Variants in C19orf44 observed in about 807,000 individuals in gnomAD.
The protein encoded by C19orf44 is uncharacterized protein C19orf44.
A neutral mutation model predicts 50.7 loss-of-function variants in C19orf44; 43 were observed. The ratio of observed to expected loss-of-function variants is 0.85; its 90% CI spans 0.66 to 1.09. The LOEUF (loss-of-function observed/expected upper bound fraction) is 1.09. Ranked by LOEUF, C19orf44 falls within the 50% of genes least tolerant of loss-of-function variation. The pLI is 0.00. For missense variants in C19orf44, 722 were observed against 836.2 expected (o/e 0.86, Z 1.68); for synonymous variants, 298 against 334.7 (o/e 0.89, Z 1.20).
intron 4 of C19orf44, among the ~76,000 whole-genome samples, chr19:16,508,387 G>A (rs906907619): frequency 4.6e-5 from 7 of 152,100 alleles, no homozygotes; most frequent in African/African-American, 1.4e-4. Flanking sequence ...ACAGGCATGC[G>A]CCACCATGCC....
Position 16,503,121 on chromosome 19 carries a change from G to C in C19orf44, c.816G>C (p.Lys272Asn), listed in dbSNP as rs760270571. Residue 272 changes from lysine to asparagine, a missense_variant, in exon 3 of 9, where the codon AAG becomes AAC. Transcript: ENST00000221671. ...CCAGCGTGGAACTCTCCAGCGCAAA[G>C]CCTTCTCAGACATCACACCTGCCAA... ...TVPSVELSSAKPSQTSHLPTS... is the reference protein window; with the variant it reads ...TVPSVELSSANPSQTSHLPTS... The C allele has an allele frequency of 3.1e-6, 5 of 1,614,088 alleles. No homozygotes were observed. Among genetic ancestry groups the C allele is most frequent in the Middle Eastern group, 3.3e-4 (2 of 6,062 alleles).
chr19:16,503,356 G>C lies in C19orf44; in HGVS notation c.1051G>C (p.Glu351Gln). The C allele has an allele frequency of 6.2e-7, 1 of 1,612,590 alleles. No homozygotes were observed. Among genetic ancestry groups the C allele is most frequent in the Non-Finnish European group, 8.5e-7 (1 of 1,178,646 alleles). The change falls in exon 3 of 9, where the codon GAA becomes CAA. Residue 351 changes from glutamate (E) to glutamine (Q), a missense_variant. By Grantham distance (29) the Glu-to-Gln change is conservative (BLOSUM62 2). Transcript: ENST00000221671. ...EAETVDEPVSEGADDSLDEFR... is the reference protein window; with the variant it reads ...EAETVDEPVSQGADDSLDEFR... Reference sequence around the variant, plus strand: ...TGAGACTGTGGACGAGCCAGTCTCAGAAGGTGCTGATGACAGCCTCGACGG... The same window carrying C: ...TGAGACTGTGGACGAGCCAGTCTCACAAGGTGCTGATGACAGCCTCGACGG...
chr19:16,500,078 C>T (rs1194270365), intron 1 of C19orf44, among the ~76,000 whole-genome samples: 2 of 152,100 alleles, frequency 1.3e-5, no homozygotes, highest in South Asian at 2.1e-4. Context: ...TGAGCCACCA[C>T]GCCTGGCGCT....
Position 16,509,795 on chromosome 19 carries a change from GC to G in C19orf44, c.1448del (p.Pro483GlnfsTer23), listed in dbSNP as rs1263914901. ...ACTCTCCAAGTCTGACAGCATCTGA[GC>G]CAACCGCCCATTCCAAGGAGTCTCT... ...ENSPSLTASE[P>X]TAHSKESLDR... is the part of the protein sequence containing the mutation. On this transcript the variant is annotated frameshift_variant, in exon 5 of 9. Coordinates refer to ENST00000221671, the MANE Select transcript of C19orf44 (RefSeq NM_032207.4). LOFTEE classifies it high-confidence loss of function. The G allele has an allele frequency of 6.2e-6, 10 of 1,614,136 alleles. No homozygotes were observed.
intron 5 of C19orf44, 33 bp from the exon 6 acceptor site, chr19:16,512,981 G>T: frequency 6.3e-7 from 1 of 1,590,122 alleles, no homozygotes; most frequent in South Asian, 1.1e-5. Context: ...TCTGCGTCCT[G>T]CCTGCTTACC....
At chr19:16,517,462 C>T in intron 8 of C19orf44, 121 bp downstream of exon 8, 1 of 678,428 alleles carries the variant, frequency 1.5e-6, no homozygotes. Context: ...CACACACACA[C>T]AGTCAGCATC....
At chr19:16,506,335 T>G (rs1261967734) in intron 3 of C19orf44, among the ~76,000 whole-genome samples, 1 of 151,782 alleles carries the variant, frequency 6.6e-6, no homozygotes, top group African/African-American at 2.4e-5. Flanking sequence ...GGCTCACACC[T>G]GTAAACCCAG....
rs1490438618 is a variant in C19orf44, at chr19:16,503,116, G to A, written c.811G>A (p.Ala271Thr). 5.0e-6 allele frequency: 8 copies of A among 1,614,062 alleles called. No individual in the cohort carries two copies. Among genetic ancestry groups the A allele is most frequent in the Middle Eastern group, 1.7e-4 (1 of 6,060 alleles). Residue 271 changes from alanine (A) to threonine (T), a missense_variant, in exon 3 of 9, where the codon GCA (alanine) becomes ACA (threonine). Ala to Thr is a moderately conservative substitution (Grantham distance 58). Transcript: ENST00000221671. Reference sequence around the variant, plus strand: ...TGTACCCAGCGTGGAACTCTCCAGCGCAAAGCCTTCTCAGACATCACACCT... The same window carrying A: ...TGTACCCAGCGTGGAACTCTCCAGCACAAAGCCTTCTCAGACATCACACCT... ...FTVPSVELSS[A>T]KPSQTSHLPT...
At chr19:16,503,499 T>A in intron 3 of C19orf44, 119 bp downstream of exon 3, 1 of 1,016,962 alleles carries the variant, frequency 9.8e-7, no homozygotes, top group Non-Finnish European at 1.4e-6. Context: ...GAGTCGCATC[T>A]CACACTCAGC....
intron 3 of C19orf44, among the ~76,000 whole-genome samples, chr19:16,505,674 T>A (rs2093438479): frequency 6.6e-6 from 1 of 152,180 alleles, no homozygotes; most frequent in Admixed American, 6.6e-5. Context: ...ATTATTATTA[T>A]CATTATTTGT....
Position 16,520,379 on chromosome 19 carries a change from G to T in C19orf44, c.*326G>T. On this transcript the variant is annotated 3_prime_UTR_variant, in exon 9 of 9. Transcript: ENST00000221671. The surrounding 1 kb of genome is among the most constrained non-coding windows in gnomAD (Gnocchi z 4.0). Reference sequence around the variant, plus strand: ...CTCTGCCTACCTAGATCTGGAGCGGGAGTAGGAACGGGAGCAGGAGCGCGA... The same window carrying T: ...CTCTGCCTACCTAGATCTGGAGCGGTAGTAGGAACGGGAGCAGGAGCGCGA... The T allele has an allele frequency of 6.2e-7, 1 of 1,613,962 alleles. No homozygotes were observed. The highest frequency in any genetic ancestry group is 8.5e-7 in the Non-Finnish European group (1 of 1,179,954).
chr19:16,520,642 T>C lies in C19orf44; in HGVS notation c.*589T>C. Reference sequence around the variant, plus strand: ...TGTGGCGCCATAGCCACAGCAACGGTACCAAGTTCCTAAATAGTGTGGCCG... The same window carrying C: ...TGTGGCGCCATAGCCACAGCAACGGCACCAAGTTCCTAAATAGTGTGGCCG... On this transcript the variant is annotated 3_prime_UTR_variant, in exon 9 of 9. Coordinates refer to ENST00000221671, the MANE Select transcript of C19orf44 (RefSeq NM_032207.4). This position sits in a 1 kb window ranked among gnomAD's most constrained non-coding sequence, Gnocchi z 4.0. 1 of 1,206,408 alleles carries C rather than the reference T, an allele frequency of 8.3e-7. No individual in the cohort carries two copies. Among genetic ancestry groups the C allele is most frequent in the Non-Finnish European group, 1.2e-6 (1 of 844,634 alleles). The allele number at this position is 1,206,408 out of a possible 1,614,324, so 74.7% of individuals were successfully genotyped here. A position where few individuals can be genotyped will look rare whatever the true frequency, so the allele number is the denominator to read the frequency against.
At position 16,519,778 on chromosome 19, in the gene C19orf44, A is replaced by T. The variant is rs1297255742; in HGVS notation, c.*41-316A>T. Reference sequence around the variant, plus strand: ...TGAGACATTTATTGGAATGACAGTGATGAGGACCTCACAGCCGCAGCTTGC... The same window carrying T: ...TGAGACATTTATTGGAATGACAGTGTTGAGGACCTCACAGCCGCAGCTTGC... On this transcript the variant is annotated intron_variant, in intron 8 of 8. Coordinates refer to ENST00000221671, the MANE Select transcript of C19orf44 (RefSeq NM_032207.4). This position sits in a 1 kb window ranked among gnomAD's most constrained non-coding sequence, Gnocchi z 6.0. 7.2e-7 allele frequency: 1 copy of T among 1,391,248 alleles called. No individual in the cohort carries two copies. The highest frequency in any genetic ancestry group is 1.0e-6 in the Non-Finnish European group (1 of 977,630). The allele number at this position is 1,391,248 out of a possible 1,614,324, so 86.2% of individuals were successfully genotyped here. A position where few individuals can be genotyped will look rare whatever the true frequency, so the allele number is the denominator to read the frequency against.
At position 16,513,220 on chromosome 19, in the gene C19orf44, G is replaced by A. The variant is rs942507315; in HGVS notation, c.1735+111G>A. On this transcript the variant is annotated intron_variant, in intron 6 of 8. Coordinates refer to ENST00000221671, the MANE Select transcript of C19orf44 (RefSeq NM_032207.4). Reference sequence around the variant, plus strand: ...GCACCCCTTGCATGCTGGCTTCCAGGGGTCCATTGGGCAGGGATTATTGCA... The same window carrying A: ...GCACCCCTTGCATGCTGGCTTCCAGAGGTCCATTGGGCAGGGATTATTGCA... The A allele has an allele frequency of 4.8e-6, 5 of 1,046,388 alleles. No homozygotes were observed. The African/African-American group carries it at 6.3e-5, about 13-fold the overall frequency. 64.8% of individuals were successfully genotyped at this position (1,046,388 alleles called of 1,614,324 possible). A position where few individuals can be genotyped will look rare whatever the true frequency, so the allele number is the denominator to read the frequency against.
intron 2 of C19orf44, among the ~76,000 whole-genome samples, chr19:16,502,560 A>G (rs1251520421): frequency 6.6e-6 from 1 of 152,068 alleles, no homozygotes; most frequent in Non-Finnish European, 1.5e-5. Flanking sequence ...TTCTACTCCC[A>G]ACATTATCTT....
chr19:16,520,117 T>C lies in C19orf44; in HGVS notation c.*64T>C. On this transcript the variant is annotated 3_prime_UTR_variant, in exon 9 of 9. Transcript: ENST00000221671. This position sits in a 1 kb window ranked among gnomAD's most constrained non-coding sequence, Gnocchi z 4.0. ...AGCAAAGCACCGCAGCTTCCCAGAGTTACCAGCGCAGCACTTAAGACAGGA... is the reference window on the plus strand; with the variant it reads ...AGCAAAGCACCGCAGCTTCCCAGAGCTACCAGCGCAGCACTTAAGACAGGA... 1 of 1,594,586 alleles carries C rather than the reference T, an allele frequency of 6.3e-7. No individual in the cohort carries two copies. Among genetic ancestry groups the C allele is most frequent in the Non-Finnish European group, 8.6e-7 (1 of 1,165,072 alleles).
chr19:16,510,164 T>C (rs2122208161), intron 5 of C19orf44, 176 bp downstream of exon 5: 1 of 901,400 alleles, frequency 1.1e-6, no homozygotes, highest in East Asian at 2.8e-5. Context: ...CCCAGCACTT[T>C]GGGAGGCCGA....
At chr19:16,514,922 G>C (rs746520132) in intron 7 of C19orf44, among the ~76,000 whole-genome samples, 1 of 152,192 alleles carries the variant, frequency 6.6e-6, no homozygotes, top group African/African-American at 2.4e-5. Flanking sequence ...TCAGACTAAA[G>C]GGACCTACTG....
At chr19:16,510,725 T>C (rs1362962040) in intron 5 of C19orf44, among the ~76,000 whole-genome samples, 1 of 151,124 alleles carries the variant, frequency 6.6e-6, no homozygotes, top group Non-Finnish European at 1.5e-5. Flanking sequence ...TTCCAGATAT[T>C]TCTCTCTCTC....
Sources: gnomAD v4.1 joint callset for allele counts (sites outside exome capture counted in the v4.1 genomes callset) on GRCh38, gnomAD v4.1.1 for gene constraint, Gnocchi (gnomAD v3.1) non-coding constraint, MANE v1.5 for transcripts, NCBI Gene and HGNC (gene_info 2026-07-23, HGNC 2026-07-21) for gene names.